Variants in DNAAF9 observed in about 807,000 individuals in gnomAD.
DNAAF9 encodes dynein axonemal assembly factor 9.
A neutral mutation model predicts 167.0 loss-of-function variants in DNAAF9; 90 were observed. The ratio of observed to expected loss-of-function variants is 0.54; its 90% CI spans 0.45 to 0.64. DNAAF9 has a LOEUF of 0.64. Ranked by LOEUF, DNAAF9 falls within the 30% of genes least tolerant of loss-of-function variation. The probability of loss-of-function intolerance (pLI) is 0.00; values close to 1 mark genes in which losing one functional copy is unlikely to be tolerated. For missense variants in DNAAF9, 1,315 were observed against 1,442.2 expected, an observed-to-expected ratio of 0.91 and a Z score of 1.43; for synonymous variants, 491 against 508.8, an observed-to-expected ratio of 0.96 and a Z score of 0.47.
At chr20:3,401,772 G>C (rs941891511) in intron 1 of DNAAF9, among the ~76,000 whole-genome samples, 4 of 152,170 alleles carry the variant, frequency 2.6e-5, no homozygotes, top group African/African-American at 4.8e-5. Flanking sequence ...GGGTGATAGA[G>C]AAGATCCTTC....
intron 12 of DNAAF9, among the ~76,000 whole-genome samples, chr20:3,330,383 C>T (rs2069800733): frequency 6.6e-6 from 1 of 152,076 alleles, no homozygotes; most frequent in South Asian, 2.1e-4. Flanking sequence ...GCTGGGACCA[C>T]AGGTGTGCAC....
chr20:3,323,868 T>C (rs2069664012), intron 14 of DNAAF9, among the ~76,000 whole-genome samples: 1 of 152,198 alleles, frequency 6.6e-6, no homozygotes, highest in Admixed American at 6.5e-5. Context: ...GCCCAACTGC[T>C]TTACAAGGTG....
chr20:3,374,924 C>T (rs572559522), intron 5 of DNAAF9, 106 bp downstream of exon 5: 105 of 660,316 alleles, frequency 1.6e-4, no homozygotes, highest in African/African-American at 5.9e-4. Context: ...TAAAAATAGA[C>T]GAAGGGGTTT....
chr20:3,271,798 T>G (rs1040761452), intron 29 of DNAAF9, among the ~76,000 whole-genome samples: 11 of 151,928 alleles, frequency 7.2e-5, no homozygotes, highest in Admixed American at 2.0e-4. Context: ...ATTTTGTATT[T>G]TTAGTAGAGA....
intron 31 of DNAAF9, among the ~76,000 whole-genome samples, chr20:3,260,475 A>T (rs2094919999): frequency 6.6e-6 from 1 of 152,194 alleles, no homozygotes; most frequent in African/African-American, 2.4e-5. Flanking sequence ...TGCCCAGTTA[A>T]ATCAGGAGCT....
intron 31 of DNAAF9, among the ~76,000 whole-genome samples, chr20:3,261,265 G>T (rs2068381465): frequency 1.3e-5 from 2 of 152,080 alleles, no homozygotes; most frequent in African/African-American, 4.8e-5. Flanking sequence ...TTGAACTCCT[G>T]GCCTCAAGTG....
At chr20:3,255,906 G>A in intron 34 of DNAAF9, 100 bp downstream of exon 34, 2 of 850,300 alleles carry the variant, frequency 2.4e-6, no homozygotes, top group East Asian at 2.6e-5. Flanking sequence ...GCCCAGTGGG[G>A]AGGCATCAGG....
chr20:3,363,000 G>A (rs542245845), intron 6 of DNAAF9, among the ~76,000 whole-genome samples: 5 of 152,026 alleles, frequency 3.3e-5, no homozygotes, highest in East Asian at 1.9e-4. Context: ...AGGCCGAGGC[G>A]GGCAGATCAC....
intron 7 of DNAAF9, among the ~76,000 whole-genome samples, chr20:3,350,083 A>G (rs1285196290): frequency 1.3e-5 from 2 of 151,600 alleles, no homozygotes; most frequent in South Asian, 4.2e-4. Context: ...CACTGCTGGG[A>G]AGACAATGTA....
At chr20:3,320,143 T>C (rs1253730944) in intron 16 of DNAAF9, among the ~76,000 whole-genome samples, 1 of 152,170 alleles carries the variant, frequency 6.6e-6, no homozygotes, top group Non-Finnish European at 1.5e-5. Flanking sequence ...AAATACAGCA[T>C]GGTGCCTGTC....
In DNAAF9 at chr20:3,404,570, A is replaced by T. The variant is rs1176546882; in HGVS notation, c.83+2905T>A. ...CTTGTATTATTGTTCTTTCGGCCGT[A>T]TTTCTTCCTCAGTACTTATGACTCA... On this transcript the variant is annotated intron_variant, in intron 1 of 36. Transcript: ENST00000252032. Among the ~76,000 whole-genome samples, 66 of 152,180 alleles carry T rather than the reference A, an allele frequency of 4.3e-4. 1 individual carries two copies. The highest frequency in any genetic ancestry group is 3.4e-3 in the Middle Eastern group (1 of 294).
intron 27 of DNAAF9, among the ~76,000 whole-genome samples, chr20:3,284,965 A>G (rs73577654): frequency 0.02 from 3,048 of 152,176 alleles, 103 homozygotes; most frequent in African/African-American, 0.067. Flanking sequence ...CAGTTCCAAC[A>G]CACAAGGATC....
chr20:3,314,939 A>T, intron 20 of DNAAF9, 94 bp downstream of exon 20: 2 of 735,614 alleles, frequency 2.7e-6, no homozygotes, highest in Admixed American at 4.3e-5. Flanking sequence ...TTGTGTTCAA[A>T]TAGAAGATGT....
chr20:3,357,283 C>G (rs570416837), intron 7 of DNAAF9, among the ~76,000 whole-genome samples: 1 of 152,092 alleles, frequency 6.6e-6, no homozygotes, highest in African/African-American at 2.4e-5. Context: ...ACCAGCCTGG[C>G]CAACATGGCA....
intron 34 of DNAAF9, 116 bp downstream of exon 34, chr20:3,255,890 G>C (rs2068271264): frequency 1.3e-6 from 1 of 752,440 alleles, no homozygotes. Context: ...GGGCCAGGGA[G>C]AGGAAGCCCA....
intron 1 of DNAAF9, among the ~76,000 whole-genome samples, chr20:3,400,035 C>T (rs1017753618): frequency 6.6e-6 from 1 of 152,214 alleles, no homozygotes; most frequent in African/African-American, 2.4e-5. Context: ...CTGTTACCCA[C>T]CACAAATGGA....
chr20:3,321,744 A>AT (rs201568057), intron 16 of DNAAF9, among the ~76,000 whole-genome samples: 13 of 150,148 alleles, frequency 8.7e-5, no homozygotes, highest in East Asian at 3.9e-4. Context: ...AATTAAAAAA[A>AT]TTTTTTTTTT....
chr20:3,356,614 G>A (rs139904439), intron 7 of DNAAF9, among the ~76,000 whole-genome samples: 1 of 151,278 alleles, frequency 6.6e-6, no homozygotes, highest in Non-Finnish European at 1.5e-5. Flanking sequence ...TTTCTTGTTA[G>A]ATTAGTTTAT....
At position 3,330,654 on chromosome 20, in the gene DNAAF9, A is replaced by G; in HGVS notation, c.1092T>C (p.Thr364=). Residue 364 remains threonine (T), a synonymous_variant, in exon 12 of 37, where the codon ACT becomes ACC. Coordinates refer to ENST00000252032, the MANE Select transcript of DNAAF9 (RefSeq NM_001009984.3). ...LGGDSKLPKK[T]EQIRLLSQIY... is the part of the protein sequence containing the mutation. Reference sequence around the variant, plus strand: ...AAAATATGAAGACTTACATTTGTTCAGTTTTCTTGGGCAGCTTGCTGTCAC... The same window carrying G: ...AAAATATGAAGACTTACATTTGTTCGGTTTTCTTGGGCAGCTTGCTGTCAC... 1.3e-6 allele frequency: 2 copies of G among 1,595,978 alleles called. No homozygotes were observed. Among genetic ancestry groups the G allele is most frequent in the Admixed American group, 3.4e-5 (2 of 59,266 alleles).
Sources: gnomAD v4.1 joint callset for allele counts (sites outside exome capture counted in the v4.1 genomes callset) on GRCh38, gnomAD v4.1.1 for gene constraint, MANE v1.5 for transcripts, NCBI Gene and HGNC (gene_info 2026-07-23, HGNC 2026-07-21) for gene names.